Variants in TRPM3 observed in about 807,000 individuals in gnomAD.
TRPM3 encodes the protein transient receptor potential cation channel subfamily M member 3, also known as long transient receptor potential channel 3.
Under a neutral mutation model 181.2 loss-of-function variants are expected in TRPM3, and 77 were observed. That is an observed-to-expected ratio of 0.42 (90% confidence interval 0.35 to 0.51). The LOEUF (loss-of-function observed/expected upper bound fraction) is 0.51. Among genes scored for constraint, TRPM3 ranks in the 20% least tolerant of loss-of-function variants. The pLI, the probability that TRPM3 is intolerant of heterozygous loss-of-function variation, is 0.01. For synonymous variants in TRPM3, 745 were observed against 796.4 expected, an observed-to-expected ratio of 0.94 and a Z score of 1.09; for missense variants, 1,759 against 2,196.7, an observed-to-expected ratio of 0.80 and a Z score of 3.98.
At chr9:71,221,683 G>A (rs1385035000) in intron 1 of TRPM3, among the ~76,000 whole-genome samples, 1 of 152,116 alleles carries the variant, frequency 6.6e-6, no homozygotes, top group Non-Finnish European at 1.5e-5. Context: ...ATTTTGAGGA[G>A]AGAAGTGGTA....
At chr9:71,147,627 C>T (rs541252443) in intron 1 of TRPM3, among the ~76,000 whole-genome samples, 14 of 152,134 alleles carry the variant, frequency 9.2e-5, no homozygotes, top group East Asian at 1.9e-4. Context: ...TTCTTTTAAA[C>T]GAATCTCTAG....
intron 1 of TRPM3, among the ~76,000 whole-genome samples, chr9:71,327,129 C>T (rs966780891): frequency 1.2e-4 from 18 of 152,222 alleles, no homozygotes; most frequent in Non-Finnish European, 1.9e-4. Flanking sequence ...TAGGCTGCTC[C>T]TCCATCTTCC....
At chr9:70,953,135 A>G (rs1554779685) in intron 1 of TRPM3, among the ~76,000 whole-genome samples, 1 of 149,388 alleles carries the variant, frequency 6.7e-6, no homozygotes, top group Admixed American at 6.6e-5. Context: ...AGGGAAAGAC[A>G]AAGTCTGTGA....
chr9:70,931,743 C>G (rs1292503894), intron 1 of TRPM3, among the ~76,000 whole-genome samples: 1 of 152,054 alleles, frequency 6.6e-6, no homozygotes, highest in African/African-American at 2.4e-5. Context: ...ACTTTAAAAT[C>G]AAAGTTTATA....
At chr9:71,276,008 A>T (rs1347335519) in intron 1 of TRPM3, among the ~76,000 whole-genome samples, 1 of 151,906 alleles carries the variant, frequency 6.6e-6, no homozygotes, top group African/African-American at 2.4e-5. Context: ...CACCCGGCTA[A>T]TTTTTTCTAT....
At chr9:70,823,623 G>C (rs201956416) in intron 6 of TRPM3, among the ~76,000 whole-genome samples, 1 of 152,120 alleles carries the variant, frequency 6.6e-6, no homozygotes, top group Non-Finnish European at 1.5e-5. Flanking sequence ...TATTTTTCTC[G>C]AAAGCACTTT....
At chr9:71,342,623 G>A (rs1261542326) in intron 1 of TRPM3, among the ~76,000 whole-genome samples, 2 of 152,070 alleles carry the variant, frequency 1.3e-5, no homozygotes, top group Non-Finnish European at 2.9e-5. Context: ...TGGTGAGAAA[G>A]TAAAATAGGT....
intron 1 of TRPM3, among the ~76,000 whole-genome samples, chr9:71,077,552 T>G (rs1591227255): frequency 1.3e-5 from 2 of 152,320 alleles, no homozygotes; most frequent in South Asian, 4.1e-4. Context: ...ACATAAATGC[T>G]ATAGGCTAGA....
intron 1 of TRPM3, among the ~76,000 whole-genome samples, chr9:71,142,441 G>A (rs182023716): frequency 2.0e-5 from 3 of 152,008 alleles, no homozygotes; most frequent in Non-Finnish European, 4.4e-5. Flanking sequence ...CAATAGAGAG[G>A]TTTTGACTTT....
At chr9:70,867,471 C>T (rs1162763247) in intron 1 of TRPM3, among the ~76,000 whole-genome samples, 2 of 152,000 alleles carry the variant, frequency 1.3e-5, no homozygotes, top group African/African-American at 2.4e-5. Context: ...TGTAGCTTTG[C>T]TACTTAATTA....
intron 1 of TRPM3, among the ~76,000 whole-genome samples, chr9:71,221,692 T>C (rs879712834): frequency 6.6e-6 from 1 of 152,156 alleles, no homozygotes; most frequent in Admixed American, 6.5e-5. Context: ...AGAGAAGTGG[T>C]AATAAGATCA....
Position 71,121,471 on chromosome 9 carries a change from C to T in TRPM3, c.-117G>A. ...AACCTTCTTAAAACAGCCACCTCCC[C>T]TCTCTCTGCAGCCGTGCTCATGCAT... On this transcript the variant is annotated 5_prime_UTR_variant, in exon 1 of 26. Coordinates refer to ENST00000677713, the MANE Select transcript of TRPM3 (RefSeq NM_001366145.2). 2.1e-6 allele frequency: 3 copies of T among 1,452,092 alleles called. No homozygotes were observed. Among genetic ancestry groups the T allele is most frequent in the East Asian group, 5.0e-5 (2 of 40,238 alleles). 90.0% of individuals were successfully genotyped at this position (1,452,092 alleles called of 1,614,324 possible). A position where few individuals can be genotyped will look rare whatever the true frequency, so the allele number is the denominator to read the frequency against.
chr9:71,007,555 A>G (rs1252442092), intron 1 of TRPM3, among the ~76,000 whole-genome samples: 2 of 152,216 alleles, frequency 1.3e-5, no homozygotes, highest in East Asian at 3.8e-4. Context: ...CTAGAAATCA[A>G]TAACAGGAGG....
upstream of TRPM3, among the ~76,000 whole-genome samples, chr9:71,124,262 C>T (rs1319063657): frequency 6.7e-6 from 1 of 149,982 alleles, no homozygotes; most frequent in Non-Finnish European, 1.5e-5. Flanking sequence ...ATTATATTTT[C>T]ACATAGAAGA....
intron 1 of TRPM3, among the ~76,000 whole-genome samples, chr9:70,975,568 A>G (rs1395932647): frequency 6.6e-6 from 1 of 152,196 alleles, no homozygotes; most frequent in East Asian, 1.9e-4. Flanking sequence ...AATGGATAAA[A>G]TCCATGCAAG....
intron 25 of TRPM3, among the ~76,000 whole-genome samples, chr9:70,544,189 A>G (rs2044265050): frequency 6.6e-6 from 1 of 152,330 alleles, no homozygotes; most frequent in African/African-American, 2.4e-5. Context: ...TTGGAGATAG[A>G]TAAAAGCTTT....
At chr9:70,615,450 A>G (rs2062646066) in intron 18 of TRPM3, among the ~76,000 whole-genome samples, 1 of 152,186 alleles carries the variant, frequency 6.6e-6, no homozygotes, top group Admixed American at 6.5e-5. Context: ...ACAAACCTCA[A>G]AATTCAATTA....
chr9:70,621,724 C>A (rs986560434), intron 14 of TRPM3, among the ~76,000 whole-genome samples: 3 of 151,992 alleles, frequency 2.0e-5, no homozygotes, highest in Admixed American at 6.5e-5. Flanking sequence ...TACCATATGG[C>A]GTTTATTTTA....
intron 8 of TRPM3, among the ~76,000 whole-genome samples, chr9:70,692,476 T>C (rs1413009921): frequency 1.3e-5 from 2 of 152,244 alleles, no homozygotes; most frequent in African/African-American, 4.8e-5. Flanking sequence ...AGGAAGCTTG[T>C]GTTGTCCTTG....
Sources: gnomAD v4.1 joint callset for allele counts (sites outside exome capture counted in the v4.1 genomes callset) on GRCh38, gnomAD v4.1.1 for gene constraint, MANE v1.5 for transcripts, NCBI Gene and HGNC (gene_info 2026-07-23, HGNC 2026-07-21) for gene names.